Variants in NMT2 observed in about 807,000 individuals in gnomAD.
NMT2 encodes glycylpeptide N-tetradecanoyltransferase 2.
Under a neutral mutation model 65.4 loss-of-function variants are expected in NMT2, and 35 were observed. The ratio of observed to expected loss-of-function variants is 0.54; its 90% confidence interval spans 0.41 to 0.71. NMT2 has a LOEUF of 0.71. Among genes scored for constraint, NMT2 ranks in the 30% least tolerant of loss-of-function variants. NMT2 has a pLI of 0.00. For synonymous variants in NMT2, 226 were observed against 231.8 expected (o/e 0.98, Z 0.23); for missense variants, 489 against 611.3 (o/e 0.80, Z 2.11).
Position 15,168,581 on chromosome 10 carries a change from T to A in NMT2, c.32A>T (p.Gln11Leu), listed in dbSNP as rs773008977. The A allele has an allele frequency of 8.2e-6, 13 of 1,588,406 alleles. No homozygotes were observed. The highest frequency in any genetic ancestry group is 1.4e-5 in the African/African-American group (1 of 72,110). Reference sequence around the variant, plus strand: ...CTGGTCGTCCAGTTCCAGGCTCTGCTGGCTGGCCGCAGACTCGCTGTCCTC... The same window carrying A: ...CTGGTCGTCCAGTTCCAGGCTCTGCAGGCTGGCCGCAGACTCGCTGTCCTC... MAEDSESAAS[Q>L]QSLELDDQDT... is the part of the protein sequence containing the mutation. Residue 11 changes from glutamine (Q) to leucine (L), a missense_variant, in exon 1 of 12, where the codon CAG (glutamine) becomes CTG (leucine). Gln to Leu is a moderately radical substitution (Grantham distance 113). Transcript: ENST00000378165.
chr10:15,154,474 C>T (rs1188461333), intron 1 of NMT2, among the ~76,000 whole-genome samples: 4 of 152,220 alleles, frequency 2.6e-5, no homozygotes, highest in Admixed American at 6.5e-5. Flanking sequence ...CTCAAGAAGG[C>T]GTTCCAAGTC....
chr10:15,112,691 C>T (rs756395550), intron 10 of NMT2, 105 bp downstream of exon 10: 707 of 1,093,232 alleles, frequency 6.5e-4, no homozygotes, highest in Non-Finnish European at 8.2e-4. Flanking sequence ...TTTAAAGTCT[C>T]GCATAAATTC....
chr10:15,141,142 G>T, intron 2 of NMT2: 1 of 1,004,982 alleles, frequency 1.0e-6, no homozygotes, highest in Non-Finnish European at 1.5e-6. Flanking sequence ...AGCTCACACT[G>T]AGACTTTCTT....
At chr10:15,116,809 C>A (rs1217792118) in intron 9 of NMT2, among the ~76,000 whole-genome samples, 1 of 152,154 alleles carries the variant, frequency 6.6e-6, no homozygotes, top group Non-Finnish European at 1.5e-5. Flanking sequence ...CTCATACATT[C>A]AACAATTTAG....
intron 6 of NMT2, among the ~76,000 whole-genome samples, chr10:15,130,778 C>G (rs372933138): frequency 1.4e-4 from 18 of 125,606 alleles, no homozygotes; most frequent in African/African-American, 4.9e-4. Flanking sequence ...CTATTTTCTT[C>G]TTTCTTTCTT....
chr10:15,108,752 C>A lies in NMT2; in HGVS notation c.*443G>T. The A allele has an allele frequency of 9.8e-7, 1 of 1,015,506 alleles. No individual in the cohort carries two copies. Among genetic ancestry groups the A allele is most frequent in the Non-Finnish European group, 1.2e-6 (1 of 850,654 alleles). The allele number at this position is 1,015,506 out of a possible 1,614,324, so 62.9% of individuals were successfully genotyped here. A position where few individuals can be genotyped will look rare whatever the true frequency, so the allele number is the denominator to read the frequency against. On this transcript the variant is annotated 3_prime_UTR_variant, in exon 12 of 12. Coordinates refer to ENST00000378165, the MANE Select transcript of NMT2 (RefSeq NM_004808.3). Reference sequence around the variant, plus strand: ...AGGTGATACCAGTAAAAAAAATTTCCAAATGGATCTTTTGTTCTGTTACAT... The same window carrying A: ...AGGTGATACCAGTAAAAAAAATTTCAAAATGGATCTTTTGTTCTGTTACAT...
At chr10:15,165,312 T>C (rs977860172) in intron 1 of NMT2, among the ~76,000 whole-genome samples, 7 of 152,330 alleles carry the variant, frequency 4.6e-5, no homozygotes, top group African/African-American at 1.7e-4. Flanking sequence ...AGAAAGTCTT[T>C]CCAGGCTCCT....
chr10:15,141,608 A>C (rs962374698), intron 1 of NMT2, 51 bp from the exon 2 acceptor site: 4 of 1,541,984 alleles, frequency 2.6e-6, no homozygotes, highest in Non-Finnish European at 8.7e-7. Context: ...AAAATCATTA[A>C]ATGAAATTGA....
intron 8 of NMT2, among the ~76,000 whole-genome samples, chr10:15,123,800 T>C (rs2131514831): frequency 6.6e-6 from 1 of 152,280 alleles, no homozygotes; most frequent in South Asian, 2.1e-4. Flanking sequence ...CCAACTAATA[T>C]GCATGATTCA....
chr10:15,161,948 A>G (rs11592551), intron 1 of NMT2, among the ~76,000 whole-genome samples: 8,877 of 152,244 alleles, frequency 0.058, 385 homozygotes, highest in Non-Finnish European at 0.079. Context: ...AGATGAAAAC[A>G]TACTTGTTCA....
At chr10:15,167,966 C>A (rs1833429858) in intron 1 of NMT2, among the ~76,000 whole-genome samples, 1 of 152,216 alleles carries the variant, frequency 6.6e-6, no homozygotes, top group African/African-American at 2.4e-5. Context: ...TTGCGCAGTT[C>A]GCCGCCTGCG....
chr10:15,110,077 G>C (rs1181421044), intron 10 of NMT2, among the ~76,000 whole-genome samples: 3 of 152,100 alleles, frequency 2.0e-5, no homozygotes, highest in Non-Finnish European at 2.9e-5. Flanking sequence ...TTCGAGACCA[G>C]CCTGACCAAC....
intron 1 of NMT2, among the ~76,000 whole-genome samples, chr10:15,159,655 T>C (rs1313101162): frequency 6.6e-6 from 1 of 152,220 alleles, no homozygotes; most frequent in Non-Finnish European, 1.5e-5. Flanking sequence ...CTCGAACTAC[T>C]GACCTCAGGT....
At position 15,106,551 on chromosome 10, in the gene NMT2, G is replaced by C; in HGVS notation, c.*2644C>G. 3.4e-6 allele frequency: 2 copies of C among 595,982 alleles called. No homozygotes were observed. The highest frequency in any genetic ancestry group is 4.2e-6 in the Non-Finnish European group (2 of 473,848). The allele number at this position is 595,982 out of a possible 1,614,324, so 36.9% of individuals were successfully genotyped here. On this transcript the variant is annotated 3_prime_UTR_variant, in exon 12 of 12. Transcript: ENST00000378165. ...AAGTCTTCCATTATCTCCAAGAGAG[G>C]TCCTATATTATGTACTACTGTGGGG...
chr10:15,130,249 T>TA lies in NMT2; in HGVS notation c.782dup (p.Ala262SerfsTer10). ...TGATCTCTCGGATTAGCACTGGGGC[T>TA]ACCCGTTTCGATCTCAACTTCTTAT... On this transcript the variant is annotated frameshift_variant, in exon 7 of 12. Transcript: ENST00000378165. LOFTEE classifies it high-confidence loss of function. 1 of 1,607,844 alleles carries TA rather than the reference T, an allele frequency of 6.2e-7. No homozygotes were observed. The highest frequency in any genetic ancestry group is 2.2e-5 in the East Asian group (1 of 44,666).
At chr10:15,154,529 T>C (rs1426501749) in intron 1 of NMT2, among the ~76,000 whole-genome samples, 2 of 152,222 alleles carry the variant, frequency 1.3e-5, no homozygotes. Context: ...ACTCCTAAAC[T>C]TCATAGCCTA....
chr10:15,139,280 CTAT>C (rs1846639755), intron 2 of NMT2, among the ~76,000 whole-genome samples: 1 of 147,566 alleles, frequency 6.8e-6, no homozygotes, highest in African/African-American at 2.7e-5. Context: ...ATCTATCTAT[CTAT>C]CTATCTATCT....
intron 1 of NMT2, among the ~76,000 whole-genome samples, chr10:15,167,369 T>A (rs1034230168): frequency 6.6e-6 from 1 of 152,210 alleles, no homozygotes; most frequent in Admixed American, 6.5e-5. Flanking sequence ...AATCTTAAAG[T>A]AGACAAGTAG....
intron 1 of NMT2, among the ~76,000 whole-genome samples, chr10:15,142,444 C>T (rs1251764650): frequency 6.6e-6 from 1 of 152,134 alleles, no homozygotes; most frequent in Non-Finnish European, 1.5e-5. Flanking sequence ...CACTTGTAGT[C>T]CCAGCTACTC....
Sources: allele counts gnomAD v4.1 joint callset (sites outside exome capture counted in the v4.1 genomes callset), GRCh38; gene constraint gnomAD v4.1.1; transcripts MANE v1.5; gene names NCBI Gene and HGNC (gene_info 2026-07-23, HGNC 2026-07-21).